The following FUT9 variants were observed in gnomAD, a reference collection of about 807,000 sequenced individuals.
FUT9 encodes fucosyltransferase 9.
A neutral mutation model predicts 29.7 loss-of-function variants in FUT9; 15 were observed. That is an observed-to-expected ratio of 0.51 (90% CI 0.34 to 0.78). FUT9 has a LOEUF of 0.78. FUT9 is among the 30% of genes least tolerant of loss of function. FUT9 has a pLI of 0.01. For missense variants in FUT9, 319 were observed against 425.4 expected, an observed-to-expected ratio of 0.75 and a Z score of 2.20; for synonymous variants, 169 against 153.7, an observed-to-expected ratio of 1.10 and a Z score of -0.74.
chr6:96,155,401 A>G (rs1050973676), intron 2 of FUT9, among the ~76,000 whole-genome samples: 1 of 152,178 alleles, frequency 6.6e-6, no homozygotes, highest in African/African-American at 2.4e-5. Flanking sequence ...GGTTAAAATA[A>G]GGCCTTTAGT....
At chr6:96,048,226 A>G (rs1770600458) in intron 1 of FUT9, among the ~76,000 whole-genome samples, 1 of 152,146 alleles carries the variant, frequency 6.6e-6, no homozygotes, top group Non-Finnish European at 1.5e-5. Context: ...AAGGTTTTTA[A>G]CTTAATCATA....
chr6:96,146,047 G>A (rs915776899), intron 2 of FUT9, among the ~76,000 whole-genome samples: 1 of 151,980 alleles, frequency 6.6e-6, no homozygotes, highest in Non-Finnish European at 1.5e-5. Flanking sequence ...TCATTATGTT[G>A]CCAGGGCTGG....
chr6:96,194,088 G>A (rs956961394), intron 2 of FUT9, among the ~76,000 whole-genome samples: 42 of 152,222 alleles, frequency 2.8e-4, no homozygotes, highest in African/African-American at 9.1e-4. Flanking sequence ...AGCATTAGGA[G>A]ATATACCTAA....
intron 1 of FUT9, among the ~76,000 whole-genome samples, chr6:96,057,493 T>C (rs1459918969): frequency 6.6e-6 from 1 of 152,220 alleles, no homozygotes; most frequent in Non-Finnish European, 1.5e-5. Flanking sequence ...AAGGCACTTT[T>C]ATTGCCACTC....
intron 1 of FUT9, among the ~76,000 whole-genome samples, chr6:96,083,518 T>C (rs1310783740): frequency 6.6e-6 from 1 of 152,108 alleles, no homozygotes; most frequent in Non-Finnish European, 1.5e-5. Context: ...GTTCTACCTT[T>C]CATCCAATGT....
intron 1 of FUT9, among the ~76,000 whole-genome samples, chr6:96,049,384 A>G (rs1204426106): frequency 6.6e-6 from 1 of 152,192 alleles, no homozygotes; most frequent in Admixed American, 6.6e-5. Flanking sequence ...CAGTGTTTAA[A>G]TAGAAGACTA....
intron 1 of FUT9, among the ~76,000 whole-genome samples, chr6:96,029,099 C>G (rs1770216789): frequency 6.6e-6 from 1 of 151,478 alleles, no homozygotes; most frequent in Non-Finnish European, 1.5e-5. Context: ...ATAGGTTCCT[C>G]CACTGAGAAA....
rs953646456 is a variant in FUT9 at position 96,196,759 on chromosome 6, C to A, written c.-8-6389C>A. 7.2e-5 allele frequency among the ~76,000 whole-genome samples: 11 copies of A among 151,962 alleles called. 1 individual carries two copies. Among genetic ancestry groups the A allele is most frequent in the Admixed American group, 7.2e-4 (11 of 15,214 alleles). On this transcript the variant is annotated intron_variant, in intron 2 of 2. Transcript: ENST00000302103. ...AACAAAGGGGAGAAATCCAGCAAGA[C>A]CAGTCTGTTAAGATTCTTCTTGGCT...
At chr6:96,180,753 G>A (rs935784306) in intron 2 of FUT9, among the ~76,000 whole-genome samples, 1 of 151,980 alleles carries the variant, frequency 6.6e-6, no homozygotes, top group Admixed American at 6.6e-5. Context: ...GTCACTTAAT[G>A]TCTTCCAAGC....
intron 1 of FUT9, among the ~76,000 whole-genome samples, chr6:96,100,705 T>A (rs1771573469): frequency 6.6e-6 from 1 of 152,184 alleles, no homozygotes; most frequent in Non-Finnish European, 1.5e-5. Flanking sequence ...AAGAACCCCC[T>A]TTCTTTTCCA....
At chr6:96,122,953 G>A (rs1222733624) in intron 2 of FUT9, among the ~76,000 whole-genome samples, 2 of 151,460 alleles carry the variant, frequency 1.3e-5, no homozygotes, top group African/African-American at 4.9e-5. Context: ...CCAGCCACTC[G>A]GGAGGCTGAG....
At chr6:96,021,415 T>A (rs1158473318) in intron 1 of FUT9, among the ~76,000 whole-genome samples, 1 of 151,888 alleles carries the variant, frequency 6.6e-6, no homozygotes, top group East Asian at 1.9e-4. Context: ...TGTAACTAAG[T>A]ATATACTTTT....
intron 1 of FUT9, among the ~76,000 whole-genome samples, chr6:96,027,567 C>G (rs1770189350): frequency 6.6e-6 from 1 of 151,474 alleles, no homozygotes; most frequent in Admixed American, 6.6e-5. Context: ...ATCTGGTGTA[C>G]TTCTCCCCTT....
intron 1 of FUT9, among the ~76,000 whole-genome samples, chr6:96,075,521 A>T (rs1033556766): frequency 6.6e-6 from 1 of 152,214 alleles, no homozygotes; most frequent in Non-Finnish European, 1.5e-5. Context: ...CAGGTTTGAC[A>T]TATATACAAA....
rs1773913239 is a variant in FUT9 at position 96,210,315 on chromosome 6, T to A, written c.*6080T>A. The A allele has an allele frequency of 1.2e-5, 2 of 167,084 alleles. No individual in the cohort carries two copies. The highest frequency in any genetic ancestry group is 1.9e-4 in the East Asian group (1 of 5,186). The allele number at this position is 167,084 out of a possible 1,614,324, so 10.4% of individuals were successfully genotyped here. A position where few individuals can be genotyped will look rare whatever the true frequency, so the allele number is the denominator to read the frequency against. Reference sequence around the variant, plus strand: ...CACAAGAGCGTGGAACTCACCAGTCTTGTGACTTGGGGCAGGTTATTTATA... The same window carrying A: ...CACAAGAGCGTGGAACTCACCAGTCATGTGACTTGGGGCAGGTTATTTATA... On this transcript the variant is annotated 3_prime_UTR_variant, in exon 3 of 3. Transcript: ENST00000302103.
chr6:96,094,095 A>T (rs527311935), intron 1 of FUT9, among the ~76,000 whole-genome samples: 3 of 152,148 alleles, frequency 2.0e-5, no homozygotes, highest in Non-Finnish European at 4.4e-5. Flanking sequence ...GATACGCTGC[A>T]TGTCATATTC....
At chr6:96,170,221 A>T (rs1773086398) in intron 2 of FUT9, among the ~76,000 whole-genome samples, 1 of 152,150 alleles carries the variant, frequency 6.6e-6, no homozygotes, top group African/African-American at 2.4e-5. Context: ...TTGAGTTTCA[A>T]CCCAAATATC....
chr6:96,037,512 A>G (rs1177810793), intron 1 of FUT9: 1 of 152,080 alleles, frequency 6.6e-6, no homozygotes, highest in Admixed American at 6.6e-5. Context: ...TGGATTAAAG[A>G]AGAAACTGAT....
chr6:96,036,111 T>C (rs1324150766), intron 1 of FUT9, among the ~76,000 whole-genome samples: 1 of 145,118 alleles, frequency 6.9e-6, no homozygotes, highest in African/African-American at 2.5e-5. Context: ...TTAATAATAA[T>C]ATTATGAAAG....
Sources: gnomAD v4.1 joint callset for allele counts (sites outside exome capture counted in the v4.1 genomes callset) on GRCh38, gnomAD v4.1.1 for gene constraint, MANE v1.5 for transcripts, NCBI Gene and HGNC (gene_info 2026-07-23, HGNC 2026-07-21) for gene names.